The following ZNF787 variants were observed in gnomAD, a reference collection of about 807,000 sequenced individuals.
The protein encoded by ZNF787 is zinc finger protein 787.
Under a neutral mutation model 16.9 loss-of-function variants are expected in ZNF787, and 7 were observed. The ratio of observed to expected loss-of-function variants is 0.42; its 90% CI spans 0.24 to 0.78. The LOEUF is 0.78. ZNF787 is among the 30% of genes least tolerant of loss of function. ZNF787 has a pLI of 0.30. For missense variants in ZNF787, 551 were observed against 589.3 expected (o/e 0.94, Z 0.67); for synonymous variants, 345 against 270.9 (o/e 1.27, Z -2.69).
intron 1 of ZNF787, among the ~76,000 whole-genome samples, chr19:56,111,678 G>A (rs1331015286): frequency 6.6e-6 from 1 of 152,048 alleles, no homozygotes; most frequent in Non-Finnish European, 1.5e-5. Context: ...TGGCGACCTG[G>A]GACAGGGCCC....
chr19:56,087,366 G>A lies in ZNF787; in HGVS notation c.*657C>T, dbSNP rs945278598. ...CGGACTCAAGAACCACGCAGAGGGG[G>A]ACATTTGGATAGTGCCGTTTATTGT... On this transcript the variant is annotated 3_prime_UTR_variant, in exon 3 of 3. Coordinates refer to ENST00000610935, the MANE Select transcript of ZNF787 (RefSeq NM_001002836.4). 13 of 151,792 alleles carry A rather than the reference G, an allele frequency of 8.6e-5. No individual in the cohort carries two copies. The highest frequency in any genetic ancestry group is 5.9e-4 in the Admixed American group (9 of 15,272). The allele number at this position is 151,792 out of a possible 1,614,324, so 9.4% of individuals were successfully genotyped here.
intron 1 of ZNF787, among the ~76,000 whole-genome samples, chr19:56,116,004 G>T (rs1330389203): frequency 6.6e-6 from 1 of 152,178 alleles, no homozygotes; most frequent in African/African-American, 2.4e-5. Flanking sequence ...GTCCGTGTAG[G>T]TTCATACATT....
At chr19:56,103,982 A>C (rs1160716788) in intron 1 of ZNF787, among the ~76,000 whole-genome samples, 7 of 2,572 alleles carry the variant, frequency 2.7e-3, no homozygotes, top group African/African-American at 0.012. Flanking sequence ...TACGCACGAC[A>C]CCGCCGACCC....
chr19:56,091,751 C>T lies in ZNF787; in HGVS notation c.80-2659G>A, dbSNP rs139215408. Among the ~76,000 whole-genome samples the T allele has an allele frequency of 3.3e-5, 5 of 152,352 alleles. No individual in the cohort carries two copies. In the East Asian group the frequency reaches 9.6e-4, roughly 29 times the overall value. The stretch of plus-strand genomic sequence containing the variant: ...TTACTTAAAAGGCAGGGCTCTTTTA[C>T]ATCTTGCAGATTCCTGGGCTCTGCG... On this transcript the variant is annotated intron_variant, in intron 2 of 2. Coordinates refer to ENST00000610935, the MANE Select transcript of ZNF787 (RefSeq NM_001002836.4).
At chr19:56,097,999 C>A (rs1007091658) in intron 2 of ZNF787, among the ~76,000 whole-genome samples, 3 of 152,190 alleles carry the variant, frequency 2.0e-5, no homozygotes, top group Admixed American at 2.0e-4. Context: ...CTAAGCCCAG[C>A]AAGGGCACCC....
intron 1 of ZNF787, among the ~76,000 whole-genome samples, chr19:56,118,470 A>C (rs2030200723): frequency 6.6e-6 from 1 of 152,210 alleles, no homozygotes; most frequent in Admixed American, 6.5e-5. Flanking sequence ...GTGATGGTCA[A>C]GGGTCTGGGC....
At chr19:56,105,876 G>A (rs1451320517) in intron 1 of ZNF787, among the ~76,000 whole-genome samples, 1 of 151,698 alleles carries the variant, frequency 6.6e-6, no homozygotes, top group Non-Finnish European at 1.5e-5. Flanking sequence ...CAGTCACCGC[G>A]CATTCCCCCG....
intron 1 of ZNF787, among the ~76,000 whole-genome samples, chr19:56,106,542 C>A (rs1351100740): frequency 6.6e-6 from 1 of 152,214 alleles, no homozygotes; most frequent in African/African-American, 2.4e-5. Context: ...CAACCCTCGA[C>A]CAACCATTAG....
intron 2 of ZNF787, among the ~76,000 whole-genome samples, chr19:56,099,796 A>G (rs1986023054): frequency 6.6e-6 from 1 of 151,918 alleles, no homozygotes; most frequent in African/African-American, 2.4e-5. Flanking sequence ...AGGGCCACGC[A>G]GGCTGGGGGC....
At chr19:56,102,761 C>G in intron 2 of ZNF787, 1 of 606,170 alleles carries the variant, frequency 1.6e-6, no homozygotes, top group Non-Finnish European at 2.9e-6. Context: ...CCAGGGAGGG[C>G]CACAGGCCCG....
intron 2 of ZNF787, among the ~76,000 whole-genome samples, chr19:56,098,086 G>A (rs969265385): frequency 6.6e-6 from 1 of 152,070 alleles, no homozygotes; most frequent in Non-Finnish European, 1.5e-5. Context: ...CTGGGTGAAG[G>A]AGCCTGGGGC....
rs939171115 is a variant in ZNF787 at position 56,087,444 on chromosome 19, C to T, written c.*579G>A. ...AGGCCTGGGACAAACGGGCACCCGC[C>T]TCCTGCGGCGCTGCCTCTGCTACCC... On this transcript the variant is annotated 3_prime_UTR_variant, in exon 3 of 3. Coordinates refer to ENST00000610935, the MANE Select transcript of ZNF787 (RefSeq NM_001002836.4). The T allele has an allele frequency of 6.6e-6, 1 of 152,332 alleles. No individual in the cohort carries two copies. The highest frequency in any genetic ancestry group is 2.4e-5 in the African/African-American group (1 of 41,444). The allele number at this position is 152,332 out of a possible 1,614,324, so 9.4% of individuals were successfully genotyped here.
At chr19:56,091,195 G>A (rs1166072152) in intron 2 of ZNF787, among the ~76,000 whole-genome samples, 1 of 152,222 alleles carries the variant, frequency 6.6e-6, no homozygotes, top group Non-Finnish European at 1.5e-5. Flanking sequence ...AAAGGGACGG[G>A]CAGGAAAGAG....
intron 2 of ZNF787, among the ~76,000 whole-genome samples, chr19:56,091,783 T>C (rs1985585242): frequency 6.6e-6 from 1 of 152,224 alleles, no homozygotes; most frequent in Admixed American, 6.5e-5. Flanking sequence ...TGCGCAAACC[T>C]TCCCGTGCTG....
At chr19:56,105,060 A>G (rs1286457596) in intron 1 of ZNF787, among the ~76,000 whole-genome samples, 1 of 152,196 alleles carries the variant, frequency 6.6e-6, no homozygotes, top group Non-Finnish European at 1.5e-5. Flanking sequence ...CCCAGGAGGC[A>G]GAGGTTGCAG....
intron 1 of ZNF787, among the ~76,000 whole-genome samples, chr19:56,106,826 G>A (rs1022719651): frequency 5.9e-5 from 9 of 152,280 alleles, no homozygotes; most frequent in Admixed American, 5.9e-4. Context: ...GAAGTCTGCA[G>A]ACCAGCACGC....
rs370857903 is a variant in ZNF787, at chr19:56,103,036, A to T, written c.79+103T>A. The T allele has an allele frequency of 1.1e-5, 15 of 1,337,726 alleles. No individual in the cohort carries two copies. In the African/African-American group the frequency reaches 1.2e-4, roughly 10 times the overall value. The allele number at this position is 1,337,726 out of a possible 1,614,324, so 82.9% of individuals were successfully genotyped here. A position where few individuals can be genotyped will look rare whatever the true frequency, so the allele number is the denominator to read the frequency against. The stretch of plus-strand genomic sequence containing the variant: ...GGTCGGGTGGTCCCAGGGCCCCAAG[A>T]GGGGAAAACAGGGAAGGGGGGTTTC... On this transcript the variant is annotated intron_variant, in intron 2 of 2. Transcript: ENST00000610935.
At chr19:56,106,838 G>C (rs956698210) in intron 1 of ZNF787, among the ~76,000 whole-genome samples, 2 of 152,244 alleles carry the variant, frequency 1.3e-5, no homozygotes, top group African/African-American at 2.4e-5. Context: ...CCAGCACGCG[G>C]AACAGTGGGG....
At chr19:56,115,680 C>T (rs1484530649) in intron 1 of ZNF787, among the ~76,000 whole-genome samples, 2 of 152,172 alleles carry the variant, frequency 1.3e-5, no homozygotes, top group Non-Finnish European at 2.9e-5. Flanking sequence ...CCCTCCCCGT[C>T]AGAGCCGTCT....
Sources: gnomAD v4.1 joint callset for allele counts (sites outside exome capture counted in the v4.1 genomes callset) on GRCh38, gnomAD v4.1.1 for gene constraint, MANE v1.5 for transcripts, NCBI Gene and HGNC (gene_info 2026-07-23, HGNC 2026-07-21) for gene names.